Variants in ZC3H8 observed in about 807,000 individuals in gnomAD.
The protein encoded by ZC3H8 is zinc finger CCCH-type containing 8.
A neutral mutation model predicts 42.5 loss-of-function variants in ZC3H8; 27 were observed. The observed-to-expected ratio is 0.64, with a 90% CI of 0.47 to 0.88. ZC3H8 has a LOEUF of 0.88. Ranked by LOEUF, ZC3H8 falls within the 40% of genes least tolerant of loss-of-function variation. The probability of loss-of-function intolerance (pLI) is 0.00; values close to 1 mark genes in which losing one functional copy is unlikely to be tolerated. For missense variants in ZC3H8, 277 were observed against 336.1 expected (o/e 0.82, Z 1.37); for synonymous variants, 101 against 110.1 (o/e 0.92, Z 0.52).
intron 2 of ZC3H8, among the ~76,000 whole-genome samples, chr2:112,239,106 T>G (rs993158168): frequency 7.9e-5 from 12 of 152,228 alleles, no homozygotes; most frequent in African/African-American, 2.9e-4. Flanking sequence ...GTAATCAAGT[T>G]AACTTTACTT....
In ZC3H8 at chr2:112,236,689, T is replaced by G. The variant is rs1347236044; in HGVS notation, c.377A>C (p.Lys126Thr). The G allele has an allele frequency of 1.2e-6, 2 of 1,606,202 alleles. No homozygotes were observed. The highest frequency in any genetic ancestry group is 1.7e-6 in the Non-Finnish European group (2 of 1,176,964). The change falls in exon 4 of 9, where the codon AAA becomes ACA. Residue 126 changes from lysine to threonine, a missense_variant. Coordinates refer to ENST00000409573, the MANE Select transcript of ZC3H8 (RefSeq NM_032494.3). ...EGVKDTPQAAKQKNKNLKAGH... is the reference protein window; with the variant it reads ...EGVKDTPQAATQKNKNLKAGH... The stretch of plus-strand genomic sequence containing the variant: ...AGCTTTAAGATTTTTATTTTTTTGT[T>G]TAGCAGCTAAAAACAAAAAATTAAT...
Position 112,235,936 on chromosome 2 carries a change from T to TAAA in ZC3H8, c.504+623_504+625dup, listed in dbSNP as rs11370016. Among the ~76,000 whole-genome samples the TAAA allele has an allele frequency of 1.7e-3, 206 of 122,568 alleles. 3 individuals carry two copies. Among genetic ancestry groups the TAAA allele is most frequent in the South Asian group, 0.011 (40 of 3,630 alleles). 80.4% of individuals were successfully genotyped at this position (122,568 alleles called of 152,430 possible). A position where few individuals can be genotyped will look rare whatever the true frequency, so the allele number is the denominator to read the frequency against. On this transcript the variant is annotated intron_variant, in intron 4 of 8. Coordinates refer to ENST00000409573, the MANE Select transcript of ZC3H8 (RefSeq NM_032494.3). ...TCCCGAGTCATTGATAGTATAACAC[T>TAAA]AAAAAAAAAAAAAAAAAAAATCAAG... is the stretch of plus-strand genomic sequence containing the variant.
chr2:112,228,697 A>C (rs1161424114), intron 8 of ZC3H8, among the ~76,000 whole-genome samples: 3 of 152,186 alleles, frequency 2.0e-5, no homozygotes, highest in Non-Finnish European at 4.4e-5. Context: ...ATTCTTAGAT[A>C]CAACACGGAA....
At position 112,234,572 on chromosome 2, in the gene ZC3H8, G is replaced by A. The variant is rs1208512375; in HGVS notation, c.505-336C>T. On this transcript the variant is annotated intron_variant, in intron 4 of 8. Transcript: ENST00000409573. The stretch of plus-strand genomic sequence containing the variant: ...TCCCAGCACTTTGGGAGGCTGAGGC[G>A]GGTGGACCACTTGAGGTCAGGAGTT... 4.6e-5 allele frequency among the ~76,000 whole-genome samples: 7 copies of A among 152,264 alleles called. 1 individual carries two copies. The East Asian group carries it at 5.8e-4, about 13-fold the overall frequency.
intron 4 of ZC3H8, among the ~76,000 whole-genome samples, chr2:112,235,754 G>A (rs1685290570): frequency 6.6e-6 from 1 of 151,950 alleles, no homozygotes; most frequent in African/African-American, 2.4e-5. Context: ...AGGAAGGTGG[G>A]GAGTGGGGAG....
At chr2:112,241,683 T>C (rs1034254170) in intron 2 of ZC3H8, among the ~76,000 whole-genome samples, 1 of 152,238 alleles carries the variant, frequency 6.6e-6, no homozygotes, top group Non-Finnish European at 1.5e-5. Flanking sequence ...GATATTTTCA[T>C]GTATCACATT....
intron 8 of ZC3H8, among the ~76,000 whole-genome samples, chr2:112,226,881 C>A (rs1390128651): frequency 6.6e-6 from 1 of 151,916 alleles, no homozygotes; most frequent in African/African-American, 2.4e-5. Flanking sequence ...GTGGGTTTTA[C>A]CTCAAGAATG....
intron 2 of ZC3H8, 38 bp downstream of exon 2, chr2:112,250,153 T>G: frequency 4.1e-6 from 6 of 1,457,208 alleles, no homozygotes; most frequent in Non-Finnish European, 5.5e-6. Flanking sequence ...AAAAAAAATC[T>G]GCGTTTTCAA....
intron 5 of ZC3H8, 34 bp from the exon 6 acceptor site, chr2:112,233,405 A>G: frequency 7.4e-7 from 1 of 1,350,708 alleles, no homozygotes; most frequent in Non-Finnish European, 1.0e-6. Context: ...AAAAGCCATT[A>G]TTTCTCATAG....
intron 6 of ZC3H8, among the ~76,000 whole-genome samples, chr2:112,232,817 G>C (rs1685153936): frequency 6.6e-6 from 1 of 152,200 alleles, no homozygotes; most frequent in Admixed American, 6.5e-5. Flanking sequence ...ACTTGTCTGT[G>C]CCATTTGCAC....
At chr2:112,252,199 C>T (rs1362154060) in intron 1 of ZC3H8, among the ~76,000 whole-genome samples, 1 of 152,186 alleles carries the variant, frequency 6.6e-6, no homozygotes, top group East Asian at 1.9e-4. Flanking sequence ...ACCACCTGAA[C>T]ATCTACTAGA....
At chr2:112,230,146 C>G (rs535226294) in intron 8 of ZC3H8, among the ~76,000 whole-genome samples, 3 of 152,178 alleles carry the variant, frequency 2.0e-5, no homozygotes, top group Non-Finnish European at 4.4e-5. Context: ...AAAGATGCTG[C>G]ACTTCATGCA....
intron 8 of ZC3H8, among the ~76,000 whole-genome samples, chr2:112,225,155 ACT>A (rs1684762822): frequency 6.6e-6 from 1 of 151,996 alleles, no homozygotes; most frequent in Admixed American, 6.6e-5. Context: ...GAATTTATTA[ACT>A]CTAGTAGGTT....
intron 3 of ZC3H8, 92 bp downstream of exon 3, chr2:112,238,223 T>C (rs1685428125): frequency 1.6e-6 from 2 of 1,270,624 alleles, no homozygotes; most frequent in Non-Finnish European, 2.2e-6. Context: ...TATCATAAGA[T>C]AAAGTGCAAA....
At chr2:112,236,526 G>A (rs766768439) in intron 4 of ZC3H8, 36 bp downstream of exon 4, 12 of 1,603,492 alleles carry the variant, frequency 7.5e-6, no homozygotes, top group African/African-American at 1.3e-5. Context: ...AAAGCATGCA[G>A]GGGTCAGGTA....
chr2:112,251,193 A>G (rs1374709013), intron 1 of ZC3H8, among the ~76,000 whole-genome samples: 1 of 152,220 alleles, frequency 6.6e-6, no homozygotes, highest in Non-Finnish European at 1.5e-5. Flanking sequence ...AAGGCAAGGA[A>G]TTGGGGAATG....
Position 112,230,940 on chromosome 2 carries a change from G to T in ZC3H8, c.854C>A (p.Thr285Asn). ...TQELLAKVLD[T>N]EKKSCK ...ATTTTATTTACATGACTTCTTTTCA[G>T]TATCCAAAACCTAATATAAAAAAAA... The change falls in exon 8 of 9, where the codon ACT (threonine) becomes AAT (asparagine). Residue 285 changes from threonine (T) to asparagine (N), a missense_variant. Coordinates refer to ENST00000409573, the MANE Select transcript of ZC3H8 (RefSeq NM_032494.3). 1 of 1,254,898 alleles carries T rather than the reference G, an allele frequency of 8.0e-7. No homozygotes were observed. Among genetic ancestry groups the T allele is most frequent in the Non-Finnish European group, 1.0e-6 (1 of 956,362 alleles). 77.7% of individuals were successfully genotyped at this position (1,254,898 alleles called of 1,614,324 possible). A position where few individuals can be genotyped will look rare whatever the true frequency, so the allele number is the denominator to read the frequency against.
At chr2:112,239,342 A>G (rs1359235461) in intron 2 of ZC3H8, among the ~76,000 whole-genome samples, 1 of 152,364 alleles carries the variant, frequency 6.6e-6, no homozygotes, top group Middle Eastern at 3.4e-3. Context: ...TTTTAATCAG[A>G]AAGTTTATTT....
intron 8 of ZC3H8, among the ~76,000 whole-genome samples, chr2:112,225,915 C>G (rs1684803616): frequency 6.6e-6 from 1 of 151,996 alleles, no homozygotes; most frequent in African/African-American, 2.4e-5. Context: ...AACCCCATCT[C>G]TACTAAAAAT....
Sources: allele counts gnomAD v4.1 joint callset (sites outside exome capture counted in the v4.1 genomes callset), GRCh38; gene constraint gnomAD v4.1.1; transcripts MANE v1.5; gene names NCBI Gene and HGNC (gene_info 2026-07-23, HGNC 2026-07-21).